MSR1: variants seen among roughly 807,000 people sequenced by gnomAD.
MSR1 encodes macrophage scavenger receptor 1.
A neutral mutation model predicts 47.2 loss-of-function variants in MSR1; 53 were observed. The observed-to-expected ratio is 1.12, with a 90% CI of 0.90 to 1.41. The LOEUF is 1.41. MSR1 is among the 40% of genes most tolerant of loss of function. The pLI, the probability that MSR1 is intolerant of heterozygous loss-of-function variation, is 0.00. For missense variants in MSR1, 786 were observed against 546.9 expected (o/e 1.44, Z -4.36); for synonymous variants, 239 against 185.6 (o/e 1.29, Z -2.34).
At chr8:16,192,412 T>C (rs555073124) in intron 1 of MSR1, among the ~76,000 whole-genome samples, 186 bp downstream of exon 1, 1 of 152,196 alleles carries the variant, frequency 6.6e-6, no homozygotes, top group South Asian at 2.1e-4. Flanking sequence ...CCCTATTTTT[T>C]GATTATCGAA....
intron 1 of MSR1, among the ~76,000 whole-genome samples, chr8:16,182,175 G>A (rs1163355976): frequency 1.3e-5 from 2 of 152,144 alleles, no homozygotes; most frequent in African/African-American, 4.8e-5. Context: ...GCAAGTATGT[G>A]TGTTTCTAAC....
At chr8:16,156,331 C>A (rs952484233) in intron 5 of MSR1, among the ~76,000 whole-genome samples, 3 of 151,796 alleles carry the variant, frequency 2.0e-5, no homozygotes, top group African/African-American at 7.3e-5. Flanking sequence ...AGACATAATA[C>A]CCGAAGAAAT....
intron 5 of MSR1, among the ~76,000 whole-genome samples, chr8:16,163,482 TATA>T (rs1262803497): frequency 2.0e-5 from 3 of 151,424 alleles, no homozygotes; most frequent in African/African-American, 7.3e-5. Context: ...AGAAAAAATC[TATA>T]ATGTAAAGCT....
intron 4 of MSR1, among the ~76,000 whole-genome samples, chr8:16,165,630 G>A (rs1451099155): frequency 6.6e-6 from 1 of 151,972 alleles, no homozygotes; most frequent in East Asian, 1.9e-4. Context: ...TTGCACATGG[G>A]GAAATAAGCC....
chr8:16,185,961 G>C (rs1192495750), intron 1 of MSR1, among the ~76,000 whole-genome samples: 1 of 151,888 alleles, frequency 6.6e-6, no homozygotes, highest in East Asian at 1.9e-4. Context: ...CGCTGCAAGA[G>C]AAAAACAAGA....
chr8:16,188,212 G>A (rs762591978), intron 1 of MSR1, among the ~76,000 whole-genome samples: 12 of 152,190 alleles, frequency 7.9e-5, no homozygotes, highest in Non-Finnish European at 1.6e-4. Context: ...AATTCATAAT[G>A]AAAGAATTTC....
intron 4 of MSR1, among the ~76,000 whole-genome samples, chr8:16,166,137 C>T (rs1441318555): frequency 6.7e-6 from 1 of 150,070 alleles, no homozygotes; most frequent in African/African-American, 2.4e-5. Context: ...TTTCATCATA[C>T]CTAAAAGCTG....
intron 8 of MSR1, among the ~76,000 whole-genome samples, chr8:16,133,878 T>G (rs1322322331): frequency 6.6e-6 from 1 of 152,204 alleles, no homozygotes; most frequent in African/African-American, 2.4e-5. Flanking sequence ...AAAACTTTAC[T>G]CAACCTTAAT....
intron 1 of MSR1, among the ~76,000 whole-genome samples, chr8:16,182,642 A>G (rs1179299822): frequency 7.9e-5 from 12 of 151,742 alleles, no homozygotes; most frequent in Non-Finnish European, 4.4e-5. Context: ...CTAGGCCTAC[A>G]CAGGGTCAGG....
chr8:16,142,481 A>G (rs934930671), intron 8 of MSR1, among the ~76,000 whole-genome samples: 3 of 152,196 alleles, frequency 2.0e-5, no homozygotes, highest in Non-Finnish European at 4.4e-5. Context: ...AAGTAACACT[A>G]AAGTACTCCG....
intron 5 of MSR1, 77 bp downstream of exon 5, chr8:16,163,988 C>T (rs1395459480): frequency 5.2e-6 from 6 of 1,143,140 alleles, no homozygotes; most frequent in South Asian, 1.6e-5. Context: ...CATAGGATTT[C>T]AAATATCAAA....
intron 1 of MSR1, among the ~76,000 whole-genome samples, chr8:16,191,411 T>C (rs754198481): frequency 2.1e-4 from 32 of 152,316 alleles, no homozygotes; most frequent in Admixed American, 7.9e-4. Flanking sequence ...TAAAATATGA[T>C]CACAATATAA....
Position 16,109,377 on chromosome 8 carries a change from G to A in MSR1, c.*708C>T, listed in dbSNP as rs1283832674. ...AAGTGCATAACAAACTAAACTTCCT[G>A]TTAAGTGGCATTTTTGATCCACCAA... On this transcript the variant is annotated 3_prime_UTR_variant, in exon 10 of 10. Coordinates refer to ENST00000262101, the MANE Select transcript of MSR1 (RefSeq NM_138715.3). 3 of 152,110 alleles carry A rather than the reference G, an allele frequency of 2.0e-5. No homozygotes were observed. Among genetic ancestry groups the A allele is most frequent in the African/African-American group, 4.8e-5 (2 of 41,420 alleles). 9.4% of individuals were successfully genotyped at this position (152,110 alleles called of 1,614,324 possible).
At chr8:16,136,132 T>C (rs1224145058) in intron 8 of MSR1, among the ~76,000 whole-genome samples, 1 of 152,180 alleles carries the variant, frequency 6.6e-6, no homozygotes, top group Non-Finnish European at 1.5e-5. Context: ...CTGATTTTAA[T>C]TTTGAAAGAA....
At chr8:16,181,455 A>T (rs969168607) in intron 1 of MSR1, among the ~76,000 whole-genome samples, 6 of 152,188 alleles carry the variant, frequency 3.9e-5, no homozygotes, top group African/African-American at 1.4e-4. Context: ...TACACCATGG[A>T]ATACTATGCA....
chr8:16,167,518 C>T (rs1801348284), intron 4 of MSR1, among the ~76,000 whole-genome samples: 1 of 152,142 alleles, frequency 6.6e-6, no homozygotes, highest in Admixed American at 6.5e-5. Flanking sequence ...GCACTCCAGC[C>T]TGGGCAACAG....
intron 8 of MSR1, among the ~76,000 whole-genome samples, chr8:16,135,314 C>G (rs1044078525): frequency 1.3e-5 from 2 of 152,132 alleles, no homozygotes; most frequent in Admixed American, 1.3e-4. Context: ...ATTTGCTATT[C>G]TGAAAATTCT....
At chr8:16,148,905 T>C (rs935227265) in intron 7 of MSR1, among the ~76,000 whole-genome samples, 16 of 152,130 alleles carry the variant, frequency 1.1e-4, no homozygotes, top group African/African-American at 3.6e-4. Flanking sequence ...TACATTCATA[T>C]TGCTAAGTGA....
intron 1 of MSR1, among the ~76,000 whole-genome samples, chr8:16,191,213 T>C (rs2116958128): frequency 6.6e-6 from 1 of 152,294 alleles, no homozygotes; most frequent in East Asian, 1.9e-4. Context: ...GTAAGACAGA[T>C]TTTAGTAAGA....
Sources: allele counts gnomAD v4.1 joint callset (sites outside exome capture counted in the v4.1 genomes callset), GRCh38; gene constraint gnomAD v4.1.1; transcripts MANE v1.5; gene names NCBI Gene and HGNC (gene_info 2026-07-23, HGNC 2026-07-21).